DMXL2: variants seen among roughly 807,000 people sequenced by gnomAD.
DMXL2 encodes dmX-like protein 2.
A neutral mutation model predicts 331.1 loss-of-function variants in DMXL2; 103 were observed. The ratio of observed to expected loss-of-function variants is 0.31; its 90% CI spans 0.27 to 0.37. DMXL2 has a LOEUF of 0.37. Ranked by LOEUF, DMXL2 falls within the 10% of genes least tolerant of loss-of-function variation. DMXL2 has a pLI of 1.00. For missense variants in DMXL2, 3,171 were observed against 3,642.9 expected (o/e 0.87, Z 3.33); for synonymous variants, 1,281 against 1,252.1 (o/e 1.02, Z -0.49).
At chr15:51,514,069 T>C (rs1391402092) in intron 15 of DMXL2, among the ~76,000 whole-genome samples, 1 of 152,284 alleles carries the variant, frequency 6.6e-6, no homozygotes, top group Non-Finnish European at 1.5e-5. Flanking sequence ...ATATTCATCA[T>C]TGGTCTGAAG....
intron 2 of DMXL2, among the ~76,000 whole-genome samples, chr15:51,573,877 AT>A (rs1159931501): frequency 2.0e-5 from 3 of 152,018 alleles, no homozygotes; most frequent in South Asian, 2.1e-4. Context: ...AAAAAATCAT[AT>A]TTTTCATAAG....
Position 51,455,240 on chromosome 15 carries a change from G to GGATTA in DMXL2, c.8527-13_8527-12insTAATC. On this transcript the variant is annotated splice_polypyrimidine_tract_variant and intron_variant, in intron 39 of 43. Coordinates refer to ENST00000560891, the MANE Select transcript of DMXL2 (RefSeq NM_001378457.1). ...TCCGCAACACCACACTGTAAGAACA[G>GGATTA]TATAACTACTAAACACATGTTCTTA... is the stretch of plus-strand genomic sequence containing the variant. 1 of 1,608,776 alleles carries GGATTA rather than the reference G, an allele frequency of 6.2e-7. No homozygotes were observed. The highest frequency in any genetic ancestry group is 8.5e-7 in the Non-Finnish European group (1 of 1,175,136).
At chr15:51,452,011 C>A (rs1217423633) in intron 41 of DMXL2, among the ~76,000 whole-genome samples, 1 of 152,136 alleles carries the variant, frequency 6.6e-6, no homozygotes, top group Non-Finnish European at 1.5e-5. Context: ...TGCAGGGAAA[C>A]AAGATGTTAT....
At chr15:51,472,353 ATTTCTT>A (rs2041196924) in intron 28 of DMXL2, among the ~76,000 whole-genome samples, 1 of 152,182 alleles carries the variant, frequency 6.6e-6, no homozygotes, top group Non-Finnish European at 1.5e-5. Context: ...AACCACTATT[ATTTCTT>A]TTTAATTGAG....
intron 38 of DMXL2, 39 bp from the exon 39 acceptor site, chr15:51,456,232 A>C: frequency 1.2e-6 from 2 of 1,604,720 alleles, no homozygotes; most frequent in Admixed American, 1.7e-5. Context: ...AAGAAATTAA[A>C]GAGTTCCAAT....
At chr15:51,583,231 G>T (rs1342765117) in intron 1 of DMXL2, among the ~76,000 whole-genome samples, 27 of 97,512 alleles carry the variant, frequency 2.8e-4, no homozygotes, top group African/African-American at 1.1e-3. Flanking sequence ...ACCCACTAAT[G>T]TGTCATCTAG....
chr15:51,605,279 C>T (rs944209930), intron 1 of DMXL2, among the ~76,000 whole-genome samples: 5 of 152,140 alleles, frequency 3.3e-5, no homozygotes, highest in Non-Finnish European at 7.3e-5. Context: ...CAGCTCACTG[C>T]CACCTCTACC....
chr15:51,535,239 C>G (rs1567081420), intron 13 of DMXL2, among the ~76,000 whole-genome samples: 1 of 152,122 alleles, frequency 6.6e-6, no homozygotes, highest in Non-Finnish European at 1.5e-5. Flanking sequence ...CTGCCACCCA[C>G]TGATAACAAA....
chr15:51,550,797 G>A (rs920926001), intron 6 of DMXL2, among the ~76,000 whole-genome samples: 4 of 152,090 alleles, frequency 2.6e-5, no homozygotes, highest in African/African-American at 9.7e-5. Context: ...GGTATGTCAC[G>A]TTGGGTAGAA....
At chr15:51,605,494 C>G (rs1182906878) in intron 1 of DMXL2, among the ~76,000 whole-genome samples, 1 of 150,804 alleles carries the variant, frequency 6.6e-6, no homozygotes, top group Non-Finnish European at 1.5e-5. Context: ...AGCTACCCGG[C>G]CCAGCCCATA....
At chr15:51,601,197 A>G (rs1470515137) in intron 1 of DMXL2, among the ~76,000 whole-genome samples, 1 of 150,636 alleles carries the variant, frequency 6.6e-6, no homozygotes, top group African/African-American at 2.4e-5. Flanking sequence ...AGGCTGAGGC[A>G]GGAGAATGGC....
At chr15:51,495,769 T>C (rs959337731) in intron 18 of DMXL2, among the ~76,000 whole-genome samples, 2 of 151,096 alleles carry the variant, frequency 1.3e-5, no homozygotes, top group African/African-American at 4.9e-5. Flanking sequence ...AAAGCAAAAA[T>C]ACAGACAGCA....
At chr15:51,461,094 G>A (rs2040072498) in intron 33 of DMXL2, among the ~76,000 whole-genome samples, 1 of 152,110 alleles carries the variant, frequency 6.6e-6, no homozygotes, top group Admixed American at 6.6e-5. Context: ...AAGGGTACAT[G>A]ATAAAAATTC....
At chr15:51,550,431 C>A (rs962771677) in intron 6 of DMXL2, among the ~76,000 whole-genome samples, 1 of 151,980 alleles carries the variant, frequency 6.6e-6, no homozygotes, top group African/African-American at 2.4e-5. Flanking sequence ...TTATAATTCA[C>A]GAATATAACA....
chr15:51,575,643 A>G (rs1018772601), intron 2 of DMXL2, among the ~76,000 whole-genome samples: 5 of 152,208 alleles, frequency 3.3e-5, no homozygotes, highest in African/African-American at 1.2e-4. Flanking sequence ...AGCACTTCCT[A>G]TATGACAAGC....
At chr15:51,465,998 G>A (rs996035263) in intron 30 of DMXL2, among the ~76,000 whole-genome samples, 186 bp downstream of exon 30, 1 of 152,128 alleles carries the variant, frequency 6.6e-6, no homozygotes, top group Non-Finnish European at 1.5e-5. Flanking sequence ...ATAAAAGCTA[G>A]TCTTTGGAGG....
chr15:51,542,867 C>T (rs1460791915), intron 8 of DMXL2, among the ~76,000 whole-genome samples: 1 of 151,278 alleles, frequency 6.6e-6, no homozygotes, highest in Admixed American at 6.6e-5. Context: ...AGTCTTCCTA[C>T]CAGGAAGAAT....
At chr15:51,528,329 A>G (rs550556374) in intron 13 of DMXL2, among the ~76,000 whole-genome samples, 1 of 152,270 alleles carries the variant, frequency 6.6e-6, no homozygotes, top group South Asian at 2.1e-4. Flanking sequence ...GCCTGCAAAA[A>G]ACACACTTCA....
intron 19 of DMXL2, among the ~76,000 whole-genome samples, chr15:51,492,657 C>T (rs528695147): frequency 6.6e-5 from 10 of 152,174 alleles, no homozygotes; most frequent in Admixed American, 2.6e-4. Flanking sequence ...CAGGTAAAAA[C>T]GAAACATAAT....
Sources: allele counts gnomAD v4.1 joint callset (sites outside exome capture counted in the v4.1 genomes callset), GRCh38; gene constraint gnomAD v4.1.1; transcripts MANE v1.5; gene names NCBI Gene and HGNC (gene_info 2026-07-23, HGNC 2026-07-21).